The following MAN1C1 variants were observed in gnomAD, a reference collection of about 807,000 sequenced individuals.
MAN1C1 encodes the protein mannosyl-oligosaccharide 1,2-alpha-mannosidase IC.
In MAN1C1, 49 loss-of-function variants were observed where a neutral mutation model predicts 71.5. The ratio of observed to expected loss-of-function variants is 0.69; its 90% CI spans 0.54 to 0.87. The LOEUF (loss-of-function observed/expected upper bound fraction) is 0.87. MAN1C1 is among the 40% of genes least tolerant of loss of function. The probability of loss-of-function intolerance (pLI) is 0.00; values close to 1 mark genes in which losing one functional copy is unlikely to be tolerated. For synonymous variants in MAN1C1, 352 were observed against 343.7 expected (o/e 1.02, Z -0.27); for missense variants, 743 against 835.0 (o/e 0.89, Z 1.36).
chr1:25,739,603 G>A (rs1319865504), intron 2 of MAN1C1, among the ~76,000 whole-genome samples: 8 of 152,160 alleles, frequency 5.3e-5, no homozygotes, highest in African/African-American at 1.4e-4. Context: ...GATACAGACC[G>A]TGATCCAGGG....
chr1:25,716,569 C>T (rs906162322), intron 2 of MAN1C1, among the ~76,000 whole-genome samples: 9 of 152,266 alleles, frequency 5.9e-5, no homozygotes, highest in African/African-American at 1.9e-4. Context: ...TTGAGCAATC[C>T]GCCCACCTTG....
chr1:25,664,812 T>A (rs1452143838), intron 1 of MAN1C1, among the ~76,000 whole-genome samples: 1 of 152,216 alleles, frequency 6.6e-6, no homozygotes, highest in African/African-American at 2.4e-5. Flanking sequence ...GGCACTCATA[T>A]AAGGAGGCAA....
At chr1:25,707,829 A>G (rs1042553847) in intron 2 of MAN1C1, among the ~76,000 whole-genome samples, 1 of 152,226 alleles carries the variant, frequency 6.6e-6, no homozygotes, top group Non-Finnish European at 1.5e-5. Flanking sequence ...TATTGGGAGT[A>G]GAAAGGAAGG....
At chr1:25,745,172 A>G (rs1303111957) in intron 2 of MAN1C1, among the ~76,000 whole-genome samples, 1 of 152,172 alleles carries the variant, frequency 6.6e-6, no homozygotes, top group African/African-American at 2.4e-5. Flanking sequence ...CATGGGATGG[A>G]AAACTATCAT....
chr1:25,767,004 G>A (rs959578805), intron 7 of MAN1C1, among the ~76,000 whole-genome samples: 7 of 151,938 alleles, frequency 4.6e-5, no homozygotes, highest in Non-Finnish European at 7.4e-5. Context: ...ACACCAGCTC[G>A]TGCCCCCTTC....
intron 1 of MAN1C1, among the ~76,000 whole-genome samples, chr1:25,676,720 A>T (rs1474116479): frequency 6.6e-6 from 1 of 152,172 alleles, no homozygotes; most frequent in Non-Finnish European, 1.5e-5. Context: ...GTCTTTAATG[A>T]CTGGGAAAAT....
chr1:25,667,314 T>G (rs1050829568), intron 1 of MAN1C1, among the ~76,000 whole-genome samples: 3 of 151,222 alleles, frequency 2.0e-5, no homozygotes, highest in African/African-American at 7.3e-5. Context: ...TGAAGCCCGG[T>G]CTCTACTAAA....
chr1:25,674,300 A>G (rs2046033881), intron 1 of MAN1C1, among the ~76,000 whole-genome samples: 1 of 152,192 alleles, frequency 6.6e-6, no homozygotes, highest in African/African-American at 2.4e-5. Context: ...ATCCTTTGAC[A>G]TGAGCAGCCC....
At chr1:25,680,128 T>G (rs2046131183) in intron 1 of MAN1C1, among the ~76,000 whole-genome samples, 1 of 152,006 alleles carries the variant, frequency 6.6e-6, no homozygotes, top group Non-Finnish European at 1.5e-5. Context: ...AGTGGCGCAA[T>G]CTCGGCTCAC....
chr1:25,763,172 A>T (rs925363071), intron 6 of MAN1C1, among the ~76,000 whole-genome samples: 1 of 151,912 alleles, frequency 6.6e-6, no homozygotes, highest in Non-Finnish European at 1.5e-5. Context: ...GGAGGCTGAG[A>T]CGGGAGAACC....
intron 2 of MAN1C1, among the ~76,000 whole-genome samples, chr1:25,718,683 A>C (rs984847066): frequency 1.3e-5 from 2 of 152,166 alleles, no homozygotes; most frequent in African/African-American, 4.8e-5. Context: ...GGAAGCAAAA[A>C]CCTGTGGTCT....
Position 25,782,086 on chromosome 1 carries a change from AG to A in MAN1C1, c.1651-498del, listed in dbSNP as rs200678664. Among the ~76,000 whole-genome samples the A allele has an allele frequency of 4.9e-4, 74 of 150,714 alleles. No homozygotes were observed. The highest frequency in any genetic ancestry group is 4.0e-4 in the Admixed American group (6 of 15,156). ...GGCGACAAAATGAGACCTTGTCTCAAGAAAAAAAAATGCATTTATATAGAAA... is the reference window on the plus strand; with the variant it reads ...GGCGACAAAATGAGACCTTGTCTCAAAAAAAAAAATGCATTTATATAGAAA... On this transcript the variant is annotated intron_variant, in intron 10 of 11. Coordinates refer to ENST00000374332, the MANE Select transcript of MAN1C1 (RefSeq NM_020379.4). This position sits in a 1 kb window ranked among gnomAD's most constrained non-coding sequence, Gnocchi z 4.4.
In MAN1C1 at chr1:25,779,320, A is replaced by G. The variant is rs1474044523; in HGVS notation, c.1477+996A>G. Among the ~76,000 whole-genome samples, 2 of 152,170 alleles carry G rather than the reference A, an allele frequency of 1.3e-5. No individual in the cohort carries two copies. The highest frequency in any genetic ancestry group is 4.8e-5 in the African/African-American group (2 of 41,454). On this transcript the variant is annotated intron_variant, in intron 9 of 11. Transcript: ENST00000374332. The surrounding 1 kb of genome is among the most constrained non-coding windows in gnomAD (Gnocchi z 4.6). ...TGACACAGGTCTCAGAGTGAGGCAC[A>G]GGGTCCCATGAGAAAGTACCTTGGC...
chr1:25,741,530 G>T (rs568092076), intron 2 of MAN1C1, among the ~76,000 whole-genome samples: 3 of 152,184 alleles, frequency 2.0e-5, no homozygotes. Context: ...CCCTCCTGCC[G>T]TCCCACTGTG....
At chr1:25,740,995 G>T (rs2047056001) in intron 2 of MAN1C1, among the ~76,000 whole-genome samples, 1 of 152,070 alleles carries the variant, frequency 6.6e-6, no homozygotes, top group African/African-American at 2.4e-5. Flanking sequence ...GTCAAGGGTT[G>T]GGGGCCACAG....
chr1:25,679,736 T>G (rs536719123), intron 1 of MAN1C1, among the ~76,000 whole-genome samples: 18 of 152,034 alleles, frequency 1.2e-4, no homozygotes, highest in Non-Finnish European at 2.5e-4. Context: ...GCACACTGTA[T>G]GTATAATATA....
At chr1:25,641,923 G>A (rs1384788351) in intron 1 of MAN1C1, among the ~76,000 whole-genome samples, 1 of 152,174 alleles carries the variant, frequency 6.6e-6, no homozygotes, top group Non-Finnish European at 1.5e-5. Context: ...CATCTATTGA[G>A]TCTCAGTTGC....
chr1:25,715,310 C>T (rs756568124), intron 2 of MAN1C1, among the ~76,000 whole-genome samples: 76 of 152,150 alleles, frequency 5.0e-4, no homozygotes, highest in Non-Finnish European at 2.4e-4. Context: ...ATGATCATTC[C>T]CATTGCTGGG....
At chr1:25,783,574 A>G (rs3820514) in intron 11 of MAN1C1, 89 bp from the exon 12 acceptor site, 901,724 of 1,459,342 alleles carry the variant, frequency 0.62, 282,585 homozygotes, top group East Asian at 0.73. Context: ...GCCTATCACA[A>G]AGGCCCTGAG....
Sources: allele counts gnomAD v4.1 joint callset (sites outside exome capture counted in the v4.1 genomes callset), GRCh38; gene constraint gnomAD v4.1.1; non-coding constraint Gnocchi (gnomAD v3.1); transcripts MANE v1.5; gene names NCBI Gene and HGNC (gene_info 2026-07-23, HGNC 2026-07-21).